The following PIAS3 variants were observed in gnomAD, a reference collection of about 807,000 sequenced individuals.
The protein encoded by PIAS3 is protein inhibitor of activated STAT 3, also known as E3 SUMO-protein ligase PIAS3.
Under a neutral mutation model 67.6 loss-of-function variants are expected in PIAS3, and 34 were observed. That is an observed-to-expected ratio of 0.50 (90% CI 0.38 to 0.67). The LOEUF (loss-of-function observed/expected upper bound fraction) is 0.67. Ranked by LOEUF, PIAS3 falls within the 30% of genes least tolerant of loss-of-function variation. The pLI is 0.00. For synonymous variants in PIAS3, 341 were observed against 313.8 expected (o/e 1.09, Z -0.92); for missense variants, 693 against 791.6 (o/e 0.88, Z 1.49).
Position 145,850,442 on chromosome 1 carries a change from C to T in PIAS3, c.1582+11G>A. ...GGCAGTGCAGGGTCCATCTTATGAC[C>T]CATGTCATACCTTGGATGTCGGCTC... On this transcript the variant is annotated intron_variant, in intron 12 of 13. Coordinates refer to ENST00000393045, the MANE Select transcript of PIAS3 (RefSeq NM_006099.3). 6.2e-7 allele frequency: 1 copy of T among 1,614,074 alleles called. No homozygotes were observed. The highest frequency in any genetic ancestry group is 1.1e-5 in the South Asian group (1 of 91,072).
intron 13 of PIAS3, 169 bp from the exon 14 acceptor site, chr1:145,849,881 C>T (rs1553733734): frequency 1.4e-6 from 2 of 1,464,832 alleles, no homozygotes; most frequent in East Asian, 2.4e-5. Flanking sequence ...CTACACCCTT[C>T]CCCTTTCCCT....
At chr1:145,851,655 CAAAA>C (rs1188623126) in intron 9 of PIAS3, among the ~76,000 whole-genome samples, 24 of 41,808 alleles carry the variant, frequency 5.7e-4, no homozygotes, top group African/African-American at 9.9e-4. Context: ...GGCTCTGCCT[CAAAA>C]AAAAAAAAAA....
At chr1:145,855,503 G>A (rs1487929550) in intron 5 of PIAS3, among the ~76,000 whole-genome samples, 2 of 151,214 alleles carry the variant, frequency 1.3e-5, no homozygotes, top group Non-Finnish European at 3.0e-5. Flanking sequence ...AAACAAAAAA[G>A]AAGTCTTTCT....
chr1:145,850,084 T>C, intron 13 of PIAS3, 148 bp downstream of exon 13: 1 of 1,494,492 alleles, frequency 6.7e-7, no homozygotes, highest in Non-Finnish European at 8.8e-7. Flanking sequence ...CCAGTGGGGC[T>C]GAGGAGATAA....
Position 145,856,839 on chromosome 1 carries a change from G to C in PIAS3, c.192C>G (p.Arg64=). The C allele has an allele frequency of 6.2e-7, 1 of 1,614,144 alleles. No individual in the cohort carries two copies. Among genetic ancestry groups the C allele is most frequent in the African/African-American group, 1.3e-5 (1 of 75,020 alleles). The change falls in exon 2 of 14, where the codon CGC becomes CGG. Residue 64 remains arginine, a synonymous_variant. Transcript: ENST00000393045. ...QMKIKELYRR[R]FPRKTLGPSD... is the part of the protein sequence containing the mutation. The stretch of plus-strand genomic sequence containing the variant: ...AGGGCCCCAGGGTCTTCCGGGGAAA[G>C]CGTCGTCGGTAAAGCTCTTTGATCT...
chr1:145,850,288 T>C lies in PIAS3; in HGVS notation c.1583-19A>G, dbSNP rs1553733858. The C allele has an allele frequency of 1.2e-6, 2 of 1,613,914 alleles. No individual in the cohort carries two copies. The highest frequency in any genetic ancestry group is 1.1e-5 in the South Asian group (1 of 91,068). ...TCTAAACCTGGCAGGAAAAGAAAAA[T>C]CAAAATTAACCTCCTATCTGACCCC... On this transcript the variant is annotated intron_variant, in intron 12 of 13. Coordinates refer to ENST00000393045, the MANE Select transcript of PIAS3 (RefSeq NM_006099.3).
At chr1:145,849,994 G>A (rs782285465) in intron 13 of PIAS3, 80 of 1,430,966 alleles carry the variant, frequency 5.6e-5, no homozygotes, top group Non-Finnish European at 6.9e-5. Context: ...AAGTGCACAC[G>A]GGGGTAGGGG....
intron 3 of PIAS3, 100 bp from the exon 4 acceptor site, chr1:145,856,218 G>GT (rs1339693533): frequency 3.0e-5 from 38 of 1,277,846 alleles, no homozygotes; most frequent in Non-Finnish European, 3.9e-5. Context: ...AGGAGATAGA[G>GT]AAGAGACACA....
At chr1:145,857,306 C>T (rs1413125379) in intron 1 of PIAS3, 2 of 448,776 alleles carry the variant, frequency 4.5e-6, no homozygotes, top group African/African-American at 3.9e-5. Flanking sequence ...AAGCCACCCT[C>T]AGACACACCT....
chr1:145,854,099 C>T (rs1222132906), intron 7 of PIAS3: 5 of 600,570 alleles, frequency 8.3e-6, no homozygotes, highest in East Asian at 2.8e-5. Flanking sequence ...TTAAACATAG[C>T]GTGACACTCT....
chr1:145,854,878 A>T lies in PIAS3; in HGVS notation c.672T>A (p.Gly224=). 1 of 1,614,078 alleles carries T rather than the reference A, an allele frequency of 6.2e-7. No homozygotes were observed. Among genetic ancestry groups the T allele is most frequent in the Non-Finnish European group, 8.5e-7 (1 of 1,179,996 alleles). The change falls in exon 6 of 14, where the codon GGT becomes GGA. Residue 224 remains glycine, a splice_region_variant and synonymous_variant. Coordinates refer to ENST00000393045, the MANE Select transcript of PIAS3 (RefSeq NM_006099.3). The part of the protein sequence containing the change: ...KVNGKLCPLP[G]YLPPTKNGAE... The stretch of plus-strand genomic sequence containing the variant: ...CCCCATTCTTGGTTGGGGGAAGGTA[A>T]CCCTGGAGAAGGGAGGGATTGGTCA...
Position 145,848,776 on chromosome 1 carries a change from A to G in PIAS3, c.*670T>C. On this transcript the variant is annotated 3_prime_UTR_variant, in exon 14 of 14. Coordinates refer to ENST00000393045, the MANE Select transcript of PIAS3 (RefSeq NM_006099.3). ...ATATAAATAGAGAGAGACCCAAGCA[A>G]TAGGCCGGGCCTGACTCCCAGACCC... 1 of 288,554 alleles carries G rather than the reference A, an allele frequency of 3.5e-6. No individual in the cohort carries two copies. Among genetic ancestry groups the G allele is most frequent in the Non-Finnish European group, 6.5e-6 (1 of 154,410 alleles). The allele number at this position is 288,554 out of a possible 1,614,324, so 17.9% of individuals were successfully genotyped here. A position where few individuals can be genotyped will look rare whatever the true frequency, so the allele number is the denominator to read the frequency against.
chr1:145,853,914 G>A, intron 7 of PIAS3, 28 bp from the exon 8 acceptor site: 1 of 1,606,892 alleles, frequency 6.2e-7, no homozygotes, highest in Non-Finnish European at 8.5e-7. Context: ...CCAGAGCCAT[G>A]GGGTCAGCAA....
chr1:145,849,092 T>G lies in PIAS3; in HGVS notation c.*354A>C, dbSNP rs1049488782. 1.0e-5 allele frequency: 2 copies of G among 192,326 alleles called. No homozygotes were observed. The highest frequency in any genetic ancestry group is 2.1e-5 in the Non-Finnish European group (2 of 95,036). 11.9% of individuals were successfully genotyped at this position (192,326 alleles called of 1,614,324 possible). A position where few individuals can be genotyped will look rare whatever the true frequency, so the allele number is the denominator to read the frequency against. On this transcript the variant is annotated 3_prime_UTR_variant, in exon 14 of 14. Coordinates refer to ENST00000393045, the MANE Select transcript of PIAS3 (RefSeq NM_006099.3). ...GAGAGCATTTGGGGTTCAAGAGAGGTGCCCCTTCCCCAAGAGGCTCTAGAC... is the reference window on the plus strand; with the variant it reads ...GAGAGCATTTGGGGTTCAAGAGAGGGGCCCCTTCCCCAAGAGGCTCTAGAC...
chr1:145,855,718 GA>G lies in PIAS3; in HGVS notation c.669+17del. Reference sequence around the variant, plus strand: ...AAACGGTAAGGGATTACTGACAGAAGAAGGGGAGAGCATTTACCGGCAGGGG... The same window carrying G: ...AAACGGTAAGGGATTACTGACAGAAGAGGGGAGAGCATTTACCGGCAGGGG... On this transcript the variant is annotated intron_variant, in intron 5 of 13. Coordinates refer to ENST00000393045, the MANE Select transcript of PIAS3 (RefSeq NM_006099.3). 7.4e-7 allele frequency: 1 copy of G among 1,352,224 alleles called. No individual in the cohort carries two copies. Among genetic ancestry groups the G allele is most frequent in the Non-Finnish European group, 1.0e-6 (1 of 957,420 alleles). 83.8% of individuals were successfully genotyped at this position (1,352,224 alleles called of 1,614,324 possible). A position where few individuals can be genotyped will look rare whatever the true frequency, so the allele number is the denominator to read the frequency against.
intron 9 of PIAS3, 109 bp from the exon 10 acceptor site, chr1:145,851,262 A>G: frequency 8.6e-7 from 1 of 1,159,670 alleles, no homozygotes; most frequent in Non-Finnish European, 1.3e-6. Context: ...CTGTAAAATA[A>G]GAACATTATC....
intron 9 of PIAS3, among the ~76,000 whole-genome samples, chr1:145,851,673 A>AG (rs1207964573): frequency 4.7e-5 from 7 of 149,318 alleles, no homozygotes; most frequent in African/African-American, 1.7e-4. Context: ...AAAAAAAAAA[A>AG]AAAGCCGGCG....
At chr1:145,850,708 A>C (rs1652923675) in intron 11 of PIAS3, 63 bp downstream of exon 11, 2 of 1,601,892 alleles carry the variant, frequency 1.2e-6, no homozygotes, top group Non-Finnish European at 1.7e-6. Flanking sequence ...TCCAATGATC[A>C]GAAAGCAATC....
chr1:145,859,042 C>A lies in PIAS3; in HGVS notation c.-52G>T. On this transcript the variant is annotated 5_prime_UTR_variant, in exon 1 of 14. Coordinates refer to ENST00000393045, the MANE Select transcript of PIAS3 (RefSeq NM_006099.3). ...GGAGCCGGAGCTCAGGCCCAGGGAC[C>A]GGCGCACAACTCTCCACCCTGGCGC... 2 of 1,524,982 alleles carry A rather than the reference C, an allele frequency of 1.3e-6. No individual in the cohort carries two copies. The highest frequency in any genetic ancestry group is 1.8e-6 in the Non-Finnish European group (2 of 1,133,962). The allele number at this position is 1,524,982 out of a possible 1,614,324, so 94.5% of individuals were successfully genotyped here.
Sources: allele counts gnomAD v4.1 joint callset (sites outside exome capture counted in the v4.1 genomes callset), GRCh38; gene constraint gnomAD v4.1.1; transcripts MANE v1.5; gene names NCBI Gene and HGNC (gene_info 2026-07-23, HGNC 2026-07-21).